PDE11A: variants seen among roughly 807,000 people sequenced by gnomAD.
The protein encoded by PDE11A is phosphodiesterase 11A.
PDE11A carries 100 observed loss-of-function variants against 100.5 expected under a neutral mutation model. The ratio of observed to expected loss-of-function variants is 1.00; its 90% CI spans 0.85 to 1.18. The LOEUF (loss-of-function observed/expected upper bound fraction) is 1.18, where lower values mean the gene tolerates loss of function less well. PDE11A is among the 50% of genes most tolerant of loss of function. PDE11A has a pLI of 0.00. For missense variants in PDE11A, 1,141 were observed against 1,152.6 expected (o/e 0.99, Z 0.15); for synonymous variants, 381 against 420.8 (o/e 0.91, Z 1.16).
intron 2 of PDE11A, among the ~76,000 whole-genome samples, chr2:177,992,824 T>A (rs1321776685): frequency 6.6e-6 from 1 of 152,158 alleles, no homozygotes; most frequent in African/African-American, 2.4e-5. Context: ...CCTTAGCATG[T>A]TGACTTGATT....
chr2:177,638,415 A>T lies in PDE11A; in HGVS notation c.2647-8853T>A. ...GCTCAATCTTTCCTCTACCCTCTGA[A>T]ATATCTAAGTATAATAACTATCTTA... On this transcript the variant is annotated intron_variant, in intron 19 of 19. Coordinates refer to ENST00000286063, the MANE Select transcript of PDE11A (RefSeq NM_016953.4). Among the ~76,000 whole-genome samples, 2 of 152,016 alleles carry T rather than the reference A, an allele frequency of 1.3e-5. 1 individual carries two copies. The highest frequency in any genetic ancestry group is 3.8e-4 in the East Asian group (2 of 5,202).
chr2:178,066,969 G>C (rs1217712714), intron 1 of PDE11A, among the ~76,000 whole-genome samples: 3 of 152,002 alleles, frequency 2.0e-5, no homozygotes, highest in African/African-American at 7.3e-5. Context: ...AGATTATGTA[G>C]CTGGCCCTAC....
At chr2:177,885,199 T>TGA (rs1449820408) in intron 4 of PDE11A, among the ~76,000 whole-genome samples, 4 of 57,264 alleles carry the variant, frequency 7.0e-5, no homozygotes, top group African/African-American at 1.5e-4. Flanking sequence ...ATTAATGATG[T>TGA]GAGTGTGTGT....
At chr2:177,723,944 T>C (rs1419909868) in intron 12 of PDE11A, among the ~76,000 whole-genome samples, 1 of 152,142 alleles carries the variant, frequency 6.6e-6, no homozygotes, top group Non-Finnish European at 1.5e-5. Context: ...AAGAAATATG[T>C]CCCTCATCTT....
chr2:177,938,611 C>T (rs1005702841), intron 2 of PDE11A, among the ~76,000 whole-genome samples: 7 of 152,200 alleles, frequency 4.6e-5, no homozygotes, highest in Non-Finnish European at 7.3e-5. Context: ...AGCCTAGACC[C>T]ACCATAATTC....
At chr2:177,986,281 G>T (rs1022174135) in intron 2 of PDE11A, among the ~76,000 whole-genome samples, 2 of 152,040 alleles carry the variant, frequency 1.3e-5, no homozygotes, top group Non-Finnish European at 2.9e-5. Context: ...TTCTCTCCTG[G>T]CACAGAGTCA....
rs543329808 is a variant in PDE11A at position 178,088,183 on chromosome 2, T to C, written c.162+16119A>G. ...ATTCAAGCTGAGGAAATGCCTGAAA[T>C]TGTAATTTCAAACTCAAGTTGATCA... is the stretch of plus-strand genomic sequence containing the variant. On this transcript the variant is annotated intron_variant, in intron 2 of 20. Coordinates refer to the PDE11A transcript ENST00000358450. Among the ~76,000 whole-genome samples the C allele has an allele frequency of 9.8e-5, 15 of 152,294 alleles. 1 individual carries two copies. Among genetic ancestry groups the C allele is most frequent in the African/African-American group, 3.4e-4 (14 of 41,562 alleles).
At chr2:177,788,716 A>T (rs1478303116) in intron 9 of PDE11A, among the ~76,000 whole-genome samples, 2 of 152,210 alleles carry the variant, frequency 1.3e-5, no homozygotes, top group Non-Finnish European at 2.9e-5. Context: ...TATCACCACC[A>T]ATCCCACAGA....
chr2:177,965,676 G>A (rs1486344382), intron 2 of PDE11A, among the ~76,000 whole-genome samples: 2 of 152,074 alleles, frequency 1.3e-5, no homozygotes, highest in African/African-American at 4.8e-5. Context: ...TTGTAGGTGT[G>A]TGGCTTTATT....
intron 17 of PDE11A, 74 bp downstream of exon 17, chr2:177,675,381 C>T: frequency 9.5e-7 from 1 of 1,055,412 alleles, no homozygotes; most frequent in Non-Finnish European, 1.5e-6. Context: ...GTAGTCAGGG[C>T]TCTGGGAATA....
chr2:178,042,520 A>G (rs1237007861), intron 1 of PDE11A, among the ~76,000 whole-genome samples: 1 of 151,782 alleles, frequency 6.6e-6, no homozygotes, highest in African/African-American at 2.4e-5. Flanking sequence ...CTAGTTATAT[A>G]TTTGATCTAT....
chr2:177,826,267 C>A (rs776064012), intron 6 of PDE11A, among the ~76,000 whole-genome samples: 8 of 152,206 alleles, frequency 5.3e-5, no homozygotes, highest in Non-Finnish European at 1.0e-4. Context: ...GAGCCATCAA[C>A]ATGTACTTGT....
intron 9 of PDE11A, among the ~76,000 whole-genome samples, chr2:177,807,628 G>A (rs1212123417): frequency 6.6e-6 from 1 of 152,100 alleles, no homozygotes; most frequent in Non-Finnish European, 1.5e-5. Context: ...GTTTCGCCAT[G>A]TTGCCCAGGC....
intron 9 of PDE11A, among the ~76,000 whole-genome samples, chr2:177,797,412 T>A (rs191174886): frequency 6.6e-6 from 1 of 152,194 alleles, no homozygotes; most frequent in Non-Finnish European, 1.5e-5. Context: ...ATGGGAATGA[T>A]ACTGTGTACT....
At position 177,746,607 on chromosome 2, in the gene PDE11A, T is replaced by G. The variant is rs181831892; in HGVS notation, c.1789-18435A>C. On this transcript the variant is annotated intron_variant, in intron 10 of 19. Transcript: ENST00000286063. ...AAAGGAAAAAGAATCAGTCTGGTATTTTATCTCTCAAGGCAAACTTGGAAG... is the reference window on the plus strand; with the variant it reads ...AAAGGAAAAAGAATCAGTCTGGTATGTTATCTCTCAAGGCAAACTTGGAAG... Among the ~76,000 whole-genome samples, 4 of 152,338 alleles carry G rather than the reference T, an allele frequency of 2.6e-5. No homozygotes were observed. In the East Asian group the frequency reaches 7.7e-4, roughly 29 times the overall value.
At position 177,623,255 on chromosome 2, in the gene PDE11A, T is replaced by C. The variant is rs1390497213; in HGVS notation, c.*6152A>G. 1 of 152,208 alleles carries C rather than the reference T, an allele frequency of 6.6e-6. No individual in the cohort carries two copies. The highest frequency in any genetic ancestry group is 1.5e-5 in the Non-Finnish European group (1 of 68,026). 9.4% of individuals were successfully genotyped at this position (152,208 alleles called of 1,614,324 possible). A position where few individuals can be genotyped will look rare whatever the true frequency, so the allele number is the denominator to read the frequency against. On this transcript the variant is annotated 3_prime_UTR_variant, in exon 20 of 20. Transcript: ENST00000286063. ...GATTATTCCAGAGCTTTAGTTAAAC[T>C]CTAAGTATTTTATTAAAAACAAAGA...
At chr2:177,781,316 T>A (rs1042698034) in intron 9 of PDE11A, among the ~76,000 whole-genome samples, 1 of 152,162 alleles carries the variant, frequency 6.6e-6, no homozygotes. Flanking sequence ...AATAGTAACA[T>A]TAAAAATCAC....
chr2:177,994,533 G>C (rs1370975620), intron 2 of PDE11A, among the ~76,000 whole-genome samples: 1 of 152,174 alleles, frequency 6.6e-6, no homozygotes, highest in African/African-American at 2.4e-5. Flanking sequence ...CTGCGACCCT[G>C]TACTTCTAGC....
chr2:177,898,862 G>A lies in PDE11A; in HGVS notation c.1162-664C>T, dbSNP rs190668857. On this transcript the variant is annotated intron_variant, in intron 3 of 19. Coordinates refer to ENST00000286063, the MANE Select transcript of PDE11A (RefSeq NM_016953.4). ...ACACCGGCCTTGTATAGAAAATGCT[G>A]AAACCCTATTAAATTTCTTTACTTT... Among the ~76,000 whole-genome samples the A allele has an allele frequency of 2.4e-3, 359 of 152,296 alleles. 2 individuals are homozygous for A. The highest frequency in any genetic ancestry group is 4.0e-3 in the Non-Finnish European group (274 of 68,034).
Sources: gnomAD v4.1 joint callset for allele counts (sites outside exome capture counted in the v4.1 genomes callset) on GRCh38, gnomAD v4.1.1 for gene constraint, MANE v1.5 for transcripts, NCBI Gene and HGNC (gene_info 2026-07-23, HGNC 2026-07-21) for gene names.